NISCH: variants seen among roughly 807,000 people sequenced by gnomAD.
NISCH encodes the protein I-1 receptor candidate protein.
Under a neutral mutation model 138.4 loss-of-function variants are expected in NISCH, and 55 were observed. That is an observed-to-expected ratio of 0.40 (90% confidence interval 0.32 to 0.50). NISCH has a LOEUF of 0.50. Ranked by LOEUF, NISCH falls within the 20% of genes least tolerant of loss-of-function variation. The pLI is 0.71. For missense variants in NISCH, 1,643 were observed against 2,005.5 expected (o/e 0.82, Z 3.45); for synonymous variants, 860 against 861.5 (o/e 1.00, Z 0.03).
chr3:52,474,159 A>T (rs141841415), intron 7 of NISCH, among the ~76,000 whole-genome samples: 136 of 152,274 alleles, frequency 8.9e-4, no homozygotes, highest in African/African-American at 3.1e-3. Flanking sequence ...TGTGGCCCAG[A>T]CTGGAGTACA....
rs369730539 is a variant in NISCH at position 52,472,295 on chromosome 3, G to C, written c.574-8G>C. On this transcript the variant is annotated splice_polypyrimidine_tract_variant and splice_region_variant and intron_variant, in intron 5 of 20. Transcript: ENST00000345716. The stretch of plus-strand genomic sequence containing the variant: ...TGTTCCCAATTTAAGCCTTATCTTT[G>C]GCTTCAGGTTTCTGGCACAGAAGGA... The C allele has an allele frequency of 3.1e-6, 5 of 1,613,602 alleles. No individual in the cohort carries two copies. Among genetic ancestry groups the C allele is most frequent in the Non-Finnish European group, 4.2e-6 (5 of 1,179,626 alleles).
chr3:52,484,604 TTC>T lies in NISCH; in HGVS notation c.1622_1623del (p.Ser541Ter). 1 of 1,613,980 alleles carries T rather than the reference TTC, an allele frequency of 6.2e-7. No homozygotes were observed. The highest frequency in any genetic ancestry group is 8.5e-7 in the Non-Finnish European group (1 of 1,180,006). On this transcript the variant is annotated frameshift_variant, in exon 14 of 21. Coordinates refer to ENST00000345716, the MANE Select transcript of NISCH (RefSeq NM_007184.4). LOFTEE classifies it high-confidence loss of function. Reference protein sequence around the residue: ...PEHQPIAQGCSDSLESIPAGQ... With the variant: ...PEHQPIAQGCXDSLESIPAGQ... ...AGCACCAGCCCATTGCCCAGGGATG[TTC>T]TGATTCCTTGGAGTCCATCCCTGCG...
chr3:52,456,841 A>T (rs1475473304), intron 1 of NISCH, among the ~76,000 whole-genome samples: 2 of 152,208 alleles, frequency 1.3e-5, no homozygotes, highest in Non-Finnish European at 2.9e-5. Flanking sequence ...AACTAGGTGC[A>T]GGAGGCGGGT....
rs781420451 is a variant in NISCH, at chr3:52,492,413, C to T, written c.4446C>T (p.Leu1482=). 1.2e-6 allele frequency: 2 copies of T among 1,612,898 alleles called. No homozygotes were observed. The highest frequency in any genetic ancestry group is 1.7e-6 in the Non-Finnish European group (2 of 1,179,990). ...FVPSAESREK[L]ISLLARQWEA... ...CCAGTGCTGAGAGCAGAGAGAAGCT[C>T]ATCTCGCTGTTGGCTCGCCAGTGGG... The change falls in exon 21 of 21, where the codon CTC becomes CTT. Residue 1482 remains leucine (L), a synonymous_variant. Transcript: ENST00000345716.
At position 52,492,349 on chromosome 3, in the gene NISCH, C is replaced by T; in HGVS notation, c.4382C>T (p.Ala1461Val). The T allele has an allele frequency of 1.2e-6, 2 of 1,613,404 alleles. No individual in the cohort carries two copies. Among genetic ancestry groups the T allele is most frequent in the Non-Finnish European group, 1.7e-6 (2 of 1,180,036 alleles). The change falls in exon 21 of 21, where the codon GCC becomes GTC. Residue 1461 changes from alanine (A) to valine (V), a missense_variant. By Grantham distance (64) the Ala-to-Val change is moderately conservative. Transcript: ENST00000345716. ...GAGGTGCCAGGTGGCCCGGCTAGAG[C>T]CAGCCAGGGCCGTGAAGTCCAGTGG... is the stretch of plus-strand genomic sequence containing the variant. Reference protein sequence around the residue: ...FGEVPGGPARASQGREVQWQV... With the variant: ...FGEVPGGPARVSQGREVQWQV...
chr3:52,476,672 C>G (rs966189147), intron 8 of NISCH, 73 bp downstream of exon 8: 10 of 1,490,794 alleles, frequency 6.7e-6, no homozygotes, highest in Non-Finnish European at 9.3e-6. Context: ...TTTAACTCAG[C>G]TTTTTTAGGA....
intron 9 of NISCH, 93 bp from the exon 10 acceptor site, chr3:52,478,004 T>G: frequency 3.0e-6 from 4 of 1,315,208 alleles, no homozygotes; most frequent in Non-Finnish European, 4.3e-6. Context: ...CTGGGTAGTT[T>G]GGGTTGGAAG....
chr3:52,477,998 G>A (rs1171603202), intron 9 of NISCH, 99 bp from the exon 10 acceptor site: 1 of 1,215,220 alleles, frequency 8.2e-7, no homozygotes, highest in African/African-American at 1.5e-5. Flanking sequence ...GCAGAACTGG[G>A]TAGTTTGGGT....
At position 52,484,415 on chromosome 3, in the gene NISCH, A is replaced by G. The variant is rs865943785; in HGVS notation, c.1529-98A>G. Reference sequence around the variant, plus strand: ...TTTTGGGATCTGGCTAACCCCCGCCATGCCAGTAGCCTGAGGGGCCCAGCC... The same window carrying G: ...TTTTGGGATCTGGCTAACCCCCGCCGTGCCAGTAGCCTGAGGGGCCCAGCC... On this transcript the variant is annotated intron_variant, in intron 13 of 20. Coordinates refer to ENST00000345716, the MANE Select transcript of NISCH (RefSeq NM_007184.4). 3.4e-4 allele frequency: 410 copies of G among 1,221,614 alleles called. 4 individuals carry two copies. The Middle Eastern group carries it at 0.011, about 32-fold the overall frequency. The allele number at this position is 1,221,614 out of a possible 1,614,324, so 75.7% of individuals were successfully genotyped here.
rs746867592 is a variant in NISCH, at chr3:52,477,597, C to T, written c.942C>T (p.Phe314=). ...ESVKLIPKIE[F]LDLSHNGLLV... ...AGAAACTGATCCCAAAGATTGAGTT[C>T]CTGGACCTGAGTCACAATGGATTGC... The change falls in exon 9 of 21, where the codon TTC becomes TTT. Residue 314 remains phenylalanine, a synonymous_variant. Transcript: ENST00000345716. 1 of 1,614,116 alleles carries T rather than the reference C, an allele frequency of 6.2e-7. No individual in the cohort carries two copies. The highest frequency in any genetic ancestry group is 1.7e-5 in the Admixed American group (1 of 60,026).
chr3:52,471,297 C>T (rs965896566), intron 4 of NISCH: 10 of 302,388 alleles, frequency 3.3e-5, no homozygotes, highest in African/African-American at 1.1e-4. Context: ...CCAGGAGCCA[C>T]AGGTATAGGG....
rs1038444685 is a variant in NISCH, at chr3:52,478,163, A to G, written c.1054A>G (p.Thr352Ala). The G allele has an allele frequency of 1.2e-6, 2 of 1,613,990 alleles. No homozygotes were observed. Among genetic ancestry groups the G allele is most frequent in the Non-Finnish European group, 1.7e-6 (2 of 1,180,018 alleles). The change falls in exon 10 of 21, where the codon ACC becomes GCC. Residue 352 changes from threonine to alanine, a missense_variant. Thr to Ala is a moderately conservative substitution (Grantham distance 58). Transcript: ENST00000345716. ...NKLSSLEGLH[T>A]KLGNIKTLNL... The stretch of plus-strand genomic sequence containing the variant: ...GCTCTCCTCCTTGGAAGGGCTTCAC[A>G]CCAAGCTGGGGAACATCAAGACCTT...
Position 52,489,234 on chromosome 3 carries a change from G to C in NISCH, c.3114-102G>C, listed in dbSNP as rs56332579. 3,601 of 1,383,476 alleles carry C rather than the reference G, an allele frequency of 2.6e-3. 88 individuals are homozygous for C. In the African/African-American group the frequency reaches 0.047, roughly 18 times the overall value. 85.7% of individuals were successfully genotyped at this position (1,383,476 alleles called of 1,614,324 possible). On this transcript the variant is annotated intron_variant, in intron 16 of 20. Transcript: ENST00000345716. ...GGTGGAAGTCCCCAGTAACCCAGAG[G>C]TGATGTGTGATGCACACAGTCTCCT...
Position 52,488,140 on chromosome 3 carries a change from G to C in NISCH, c.2648G>C (p.Ser883Thr). ...GDYSGNIEWA[S>T]CTLCSAVRRS... ...TACTCAGGCAACATCGAGTGGGCCAGCTGCACACTCTGTTCAGCCGTGCGG... is the reference window on the plus strand; with the variant it reads ...TACTCAGGCAACATCGAGTGGGCCACCTGCACACTCTGTTCAGCCGTGCGG... Residue 883 changes from serine to threonine, a missense_variant, in exon 16 of 21, where the codon AGC becomes ACC. Coordinates refer to ENST00000345716, the MANE Select transcript of NISCH (RefSeq NM_007184.4). The C allele has an allele frequency of 6.2e-7, 1 of 1,613,272 alleles. No homozygotes were observed. The highest frequency in any genetic ancestry group is 8.5e-7 in the Non-Finnish European group (1 of 1,179,988).
intron 10 of NISCH, 26 bp from the exon 11 acceptor site, chr3:52,478,423 A>C: frequency 6.2e-7 from 1 of 1,614,152 alleles, no homozygotes; most frequent in Non-Finnish European, 8.5e-7. Context: ...GAAGGGACCA[A>C]AGGGGATGGA....
Position 52,492,032 on chromosome 3 carries a change from G to A in NISCH, c.4065G>A (p.Gln1355=). 1 of 1,613,196 alleles carries A rather than the reference G, an allele frequency of 6.2e-7. No homozygotes were observed. Among genetic ancestry groups the A allele is most frequent in the African/African-American group, 1.3e-5 (1 of 75,058 alleles). The part of the protein sequence containing the change: ...LSILLYVQAF[Q]VGMPPPGCCR... ...TCCTGCTGTACGTGCAGGCCTTCCA[G>A]GTGGGCATGCCACCCCCTGGGTGCT... Residue 1355 remains glutamine, a synonymous_variant, in exon 21 of 21, where the codon CAG becomes CAA. Transcript: ENST00000345716.
In NISCH at chr3:52,489,683, C is replaced by T. The variant is rs775783713; in HGVS notation, c.3456+5C>T. 45 of 1,608,686 alleles carry T rather than the reference C, an allele frequency of 2.8e-5. No individual in the cohort carries two copies. The highest frequency in any genetic ancestry group is 3.5e-5 in the Non-Finnish European group (41 of 1,177,928). ...TTCCACAGCAGCATTGCTGAGGTAG[C>T]GGCCCGGGTGTGGGTGCCAGCTATG... On this transcript the variant is annotated splice_donor_5th_base_variant and intron_variant, in intron 17 of 20. Transcript: ENST00000345716.
intron 3 of NISCH, among the ~76,000 whole-genome samples, chr3:52,462,213 C>T (rs3774409): frequency 0.96 from 146,577 of 152,344 alleles, 70,562 homozygotes; most frequent in African/African-American, 0.99. Context: ...CAATTGAACC[C>T]ATCGTTGGAT....
intron 3 of NISCH, among the ~76,000 whole-genome samples, chr3:52,467,801 CT>C (rs1706830541): frequency 6.6e-6 from 1 of 152,206 alleles, no homozygotes; most frequent in Admixed American, 6.5e-5. Flanking sequence ...TTTCATTTTT[CT>C]TTTAGAGAGA....
Sources: gnomAD v4.1 joint callset for allele counts (sites outside exome capture counted in the v4.1 genomes callset) on GRCh38, gnomAD v4.1.1 for gene constraint, MANE v1.5 for transcripts, NCBI Gene and HGNC (gene_info 2026-07-23, HGNC 2026-07-21) for gene names.